The following RPTOR variants were observed in gnomAD, a reference collection of about 807,000 sequenced individuals.
RPTOR encodes the protein regulatory-associated protein of mTOR.
In RPTOR, 21 loss-of-function variants were observed where a neutral mutation model predicts 169.9. The observed-to-expected ratio is 0.12, with a 90% CI of 0.09 to 0.18. RPTOR has a LOEUF of 0.18. RPTOR is among the 10% of genes least tolerant of loss of function. The probability of loss-of-function intolerance (pLI) is 1.00; values close to 1 mark genes in which losing one functional copy is unlikely to be tolerated. For missense variants in RPTOR, 1,133 were observed against 1,855.9 expected (o/e 0.61, Z 7.16); for synonymous variants, 732 against 753.2 (o/e 0.97, Z 0.46).
At chr17:80,928,777 T>C (rs2068841960) in intron 24 of RPTOR, among the ~76,000 whole-genome samples, 1 of 152,198 alleles carries the variant, frequency 6.6e-6, no homozygotes, top group Non-Finnish European at 1.5e-5. Context: ...AAAAGATGTA[T>C]TGAATTGTGT....
chr17:80,774,355 A>G, intron 6 of RPTOR: 2 of 985,276 alleles, frequency 2.0e-6, no homozygotes, highest in Non-Finnish European at 2.4e-6. Flanking sequence ...ATTGTATCAT[A>G]TTTCACAATC....
chr17:80,741,768 G>A (rs180900615), intron 5 of RPTOR, among the ~76,000 whole-genome samples: 99 of 152,330 alleles, frequency 6.5e-4, no homozygotes, highest in African/African-American at 2.2e-3. Flanking sequence ...CTGAAGCCAC[G>A]GGATGGTGAC....
At chr17:80,873,353 C>G (rs1391754031) in intron 13 of RPTOR, among the ~76,000 whole-genome samples, 2 of 152,062 alleles carry the variant, frequency 1.3e-5, no homozygotes, top group Non-Finnish European at 2.9e-5. Flanking sequence ...TCTCCACAGC[C>G]CAAACATGGG....
At chr17:80,952,977 G>C (rs2069201867) in intron 28 of RPTOR, among the ~76,000 whole-genome samples, 1 of 145,238 alleles carries the variant, frequency 6.9e-6, no homozygotes. Context: ...CGATTCTCCT[G>C]CCTCAGCCTC....
At chr17:80,574,339 T>A (rs1449606577) in intron 1 of RPTOR, among the ~76,000 whole-genome samples, 3 of 151,026 alleles carry the variant, frequency 2.0e-5, no homozygotes, top group Admixed American at 2.0e-4. Context: ...TAATTTTTTG[T>A]ATTTTTTTAG....
chr17:80,750,568 G>A (rs936066354), intron 5 of RPTOR, among the ~76,000 whole-genome samples: 2 of 152,142 alleles, frequency 1.3e-5, no homozygotes, highest in South Asian at 2.1e-4. Context: ...ACACATGGCC[G>A]CTCCCACCTA....
chr17:80,907,408 A>G (rs1472199124), intron 20 of RPTOR, among the ~76,000 whole-genome samples: 4 of 152,254 alleles, frequency 2.6e-5, no homozygotes, highest in Admixed American at 2.6e-4. Flanking sequence ...TGGTGCCCGC[A>G]GGCAGGGGAG....
chr17:80,822,490 C>A (rs571637550), intron 8 of RPTOR, among the ~76,000 whole-genome samples, 189 bp downstream of exon 8: 1 of 152,200 alleles, frequency 6.6e-6, no homozygotes, highest in Non-Finnish European at 1.5e-5. Flanking sequence ...TTACTGCACG[C>A]CAGGTTCTCA....
chr17:80,955,396 C>A (rs1482301526), intron 28 of RPTOR, among the ~76,000 whole-genome samples: 1 of 152,194 alleles, frequency 6.6e-6, no homozygotes, highest in African/African-American at 2.4e-5. Context: ...TGCAGTGATA[C>A]CCCTACCTCA....
intron 13 of RPTOR, among the ~76,000 whole-genome samples, chr17:80,871,939 G>C (rs1297307238): frequency 6.6e-6 from 1 of 152,056 alleles, no homozygotes; most frequent in East Asian, 1.9e-4. Context: ...CCCTTCAGGA[G>C]TAGTCAGGAA....
At chr17:80,610,206 T>G (rs2065260275) in intron 1 of RPTOR, among the ~76,000 whole-genome samples, 1 of 152,098 alleles carries the variant, frequency 6.6e-6, no homozygotes, top group Non-Finnish European at 1.5e-5. Context: ...CTTCCCTCCT[T>G]GCATTTGTTC....
intron 2 of RPTOR, among the ~76,000 whole-genome samples, chr17:80,634,649 T>TGTGC (rs1567831338): frequency 0.013 from 1,381 of 108,460 alleles, 248 homozygotes; most frequent in Non-Finnish European, 0.019. Context: ...GTGCATACTG[T>TGTGC]ATGTGCGTAC....
At chr17:80,714,083 C>T (rs894805664) in intron 4 of RPTOR, among the ~76,000 whole-genome samples, 4 of 152,004 alleles carry the variant, frequency 2.6e-5, no homozygotes, top group Admixed American at 6.5e-5. Context: ...GGACTACAGG[C>T]GCCCACCACC....
Position 80,687,204 on chromosome 17 carries a change from T to C in RPTOR, c.349-20637T>C, listed in dbSNP as rs1441424029. Among the ~76,000 whole-genome samples the C allele has an allele frequency of 2.6e-5, 4 of 152,212 alleles. No homozygotes were observed. In the East Asian group the frequency reaches 5.8e-4, roughly 22 times the overall value. ...CTGTCCGTCCCACTTCTCCTCACTG[T>C]CTAGTCTTCTTCTGACCCTCCCAGC... On this transcript the variant is annotated intron_variant, in intron 3 of 33. Coordinates refer to ENST00000306801, the MANE Select transcript of RPTOR (RefSeq NM_020761.3).
intron 4 of RPTOR, among the ~76,000 whole-genome samples, chr17:80,719,489 G>A (rs1362855754): frequency 6.6e-6 from 1 of 152,094 alleles, no homozygotes. Flanking sequence ...ATCTTCTCAG[G>A]GCTCGTTCCT....
chr17:80,593,180 A>G (rs555843074), intron 1 of RPTOR: 3 of 153,024 alleles, frequency 2.0e-5, no homozygotes, highest in Non-Finnish European at 4.4e-5. Flanking sequence ...CACTTCAAGG[A>G]AAACAACTGA....
rs1401295908 is a variant in RPTOR at position 80,844,734 on chromosome 17, G to A, written c.1213-1739G>A. ...CTCCTCTGTGGAGGCTGCCGAGAGCGCTCCTGGACTTGGGCGCACGGAGGC... is the reference window on the plus strand; with the variant it reads ...CTCCTCTGTGGAGGCTGCCGAGAGCACTCCTGGACTTGGGCGCACGGAGGC... On this transcript the variant is annotated intron_variant, in intron 10 of 33. Transcript: ENST00000306801. This position sits in a 1 kb window ranked among gnomAD's most constrained non-coding sequence, Gnocchi z 4.7. Among the ~76,000 whole-genome samples the A allele has an allele frequency of 2.0e-5, 3 of 152,192 alleles. No homozygotes were observed. Among genetic ancestry groups the A allele is most frequent in the Non-Finnish European group, 4.4e-5 (3 of 68,032 alleles).
rs374908919 is a variant in RPTOR, at chr17:80,924,115, C to T, written c.2808+442C>T. On this transcript the variant is annotated intron_variant, in intron 23 of 33. Transcript: ENST00000306801. ...CTGAATGTGTTGTCTTTTCTGTGAA[C>T]ATCCAAGTACGCTGCATAAATAGGT... is the stretch of plus-strand genomic sequence containing the variant. The T allele has an allele frequency of 5.5e-4, 104 of 187,596 alleles. No individual in the cohort carries two copies. The Middle Eastern group carries it at 8.3e-3, about 15-fold the overall frequency. 11.6% of individuals were successfully genotyped at this position (187,596 alleles called of 1,614,324 possible).
chr17:80,589,245 C>T lies in RPTOR; in HGVS notation c.163-36446C>T, dbSNP rs537870726. On this transcript the variant is annotated intron_variant, in intron 1 of 33. Transcript: ENST00000306801. ...TTCACTTGCAGGGACTATGATGACT[C>T]CTCTGCAGGCCGTCTTTGCGGGAAC... Among the ~76,000 whole-genome samples, 61 of 152,262 alleles carry T rather than the reference C, an allele frequency of 4.0e-4. 1 individual carries two copies. Among genetic ancestry groups the T allele is most frequent in the African/African-American group, 1.4e-3 (57 of 41,540 alleles).
Sources: allele counts gnomAD v4.1 joint callset (sites outside exome capture counted in the v4.1 genomes callset), GRCh38; gene constraint gnomAD v4.1.1; non-coding constraint Gnocchi (gnomAD v3.1); transcripts MANE v1.5; gene names NCBI Gene and HGNC (gene_info 2026-07-23, HGNC 2026-07-21).